Variants in OTUD7B observed in about 807,000 individuals in gnomAD.
The protein encoded by OTUD7B is OTU deubiquitinase 7B, also known as OTU domain-containing protein 7B.
In OTUD7B, 34 loss-of-function variants were observed where a neutral mutation model predicts 82.2. That is an observed-to-expected ratio of 0.41 (90% CI 0.31 to 0.55). The LOEUF (loss-of-function observed/expected upper bound fraction) is 0.55, where lower values mean the gene tolerates loss of function less well. Among genes scored for constraint, OTUD7B ranks in the 20% least tolerant of loss-of-function variants. The pLI, the probability that OTUD7B is intolerant of heterozygous loss-of-function variation, is 0.20. For missense variants in OTUD7B, 944 were observed against 1,062.1 expected (o/e 0.89, Z 1.55); for synonymous variants, 398 against 402.7 (o/e 0.99, Z 0.14).
At position 149,943,554 on chromosome 1, in the gene OTUD7B, C is replaced by A; in HGVS notation, c.*303G>T. 1 of 284,608 alleles carries A rather than the reference C, an allele frequency of 3.5e-6. No homozygotes were observed. The highest frequency in any genetic ancestry group is 6.6e-6 in the Non-Finnish European group (1 of 150,726). 17.6% of individuals were successfully genotyped at this position (284,608 alleles called of 1,614,324 possible). A position where few individuals can be genotyped will look rare whatever the true frequency, so the allele number is the denominator to read the frequency against. On this transcript the variant is annotated 3_prime_UTR_variant, in exon 12 of 12. Transcript: ENST00000581312. ...ACCAAACCTTCCCCTGCTACTTTCT[C>A]TTAGGTCCCTGGATGGGACCCAGGA...
At chr1:150,011,082 A>G (rs1391784715), upstream of OTUD7B, among the ~76,000 whole-genome samples, 3 of 152,154 alleles carry the variant, frequency 2.0e-5, no homozygotes, top group African/African-American at 7.2e-5. Flanking sequence ...CAGAATGAAA[A>G]GACTGACATT....
the OTUD7B span, among the ~76,000 whole-genome samples, chr1:150,053,179 T>C: frequency 6.6e-6 from 1 of 151,966 alleles, no homozygotes; most frequent in Non-Finnish European, 1.5e-5. Flanking sequence ...AATTGACAAA[T>C]GGGATCTAAT....
chr1:150,059,427 T>C, the OTUD7B span, among the ~76,000 whole-genome samples: 1 of 149,876 alleles, frequency 6.7e-6, no homozygotes, highest in African/African-American at 2.5e-5. Flanking sequence ...TGGAGTGCAA[T>C]GGCGCAATCT....
At chr1:149,988,646 T>C (rs1306118320) in intron 1 of OTUD7B, among the ~76,000 whole-genome samples, 4 of 152,200 alleles carry the variant, frequency 2.6e-5, no homozygotes, top group Non-Finnish European at 5.9e-5. Context: ...TATTATAATA[T>C]TGGCACAACA....
At chr1:149,988,467 C>G (rs1651345231) in intron 1 of OTUD7B, among the ~76,000 whole-genome samples, 1 of 152,102 alleles carries the variant, frequency 6.6e-6, no homozygotes, top group South Asian at 2.1e-4. Flanking sequence ...ATATAAAGAT[C>G]AGGGACTAGT....
At chr1:150,055,642 C>T in the OTUD7B span, among the ~76,000 whole-genome samples, 1 of 152,226 alleles carries the variant, frequency 6.6e-6, no homozygotes, top group South Asian at 2.1e-4. Context: ...AAACTAAATG[C>T]CCATCAATGA....
In OTUD7B at chr1:149,971,094, G is replaced by A; in HGVS notation, c.243C>T (p.Pro81=). ...SDREPTRPPR[P]ILQRQDDIVQ... ...CGATGTCATCCTGCCGCTGGAGGAT[G>A]GGTCGGGGAGGGCGAGTAGGCTCTC... Residue 81 remains proline, a synonymous_variant, in exon 3 of 12, where the codon CCC becomes CCT. Coordinates refer to ENST00000581312, the MANE Select transcript of OTUD7B (RefSeq NM_020205.4). The A allele has an allele frequency of 6.2e-7, 1 of 1,610,538 alleles. No individual in the cohort carries two copies. Among genetic ancestry groups the A allele is most frequent in the Non-Finnish European group, 8.5e-7 (1 of 1,177,260 alleles).
chr1:150,006,428 G>T (rs1652676867), intron 1 of OTUD7B, among the ~76,000 whole-genome samples: 1 of 152,210 alleles, frequency 6.6e-6, no homozygotes, highest in Non-Finnish European at 1.5e-5. Flanking sequence ...CTGTACTTCA[G>T]TCTGGGAGCA....
rs1356483429 is a variant in OTUD7B, at chr1:149,939,102, G to A, written c.*4755C>T. Reference sequence around the variant, plus strand: ...GAAGCACTAGATGAAGGGAAGGGTGGAGAGGCAAGGGGCTATATCAGATTT... The same window carrying A: ...GAAGCACTAGATGAAGGGAAGGGTGAAGAGGCAAGGGGCTATATCAGATTT... On this transcript the variant is annotated 3_prime_UTR_variant, in exon 12 of 12. Coordinates refer to ENST00000581312, the MANE Select transcript of OTUD7B (RefSeq NM_020205.4). 6.6e-6 allele frequency: 1 copy of A among 152,256 alleles called. No homozygotes were observed. The highest frequency in any genetic ancestry group is 1.5e-5 in the Non-Finnish European group (1 of 68,164). 9.4% of individuals were successfully genotyped at this position (152,256 alleles called of 1,614,324 possible).
At chr1:150,059,054 T>C in the OTUD7B span, among the ~76,000 whole-genome samples, 1 of 126,924 alleles carries the variant, frequency 7.9e-6, no homozygotes, top group East Asian at 2.1e-4. Flanking sequence ...CTTTCTTTTC[T>C]TTTTTTTTTT....
At chr1:150,051,977 TCA>T in the OTUD7B span, among the ~76,000 whole-genome samples, 2 of 152,182 alleles carry the variant, frequency 1.3e-5, no homozygotes, top group African/African-American at 4.8e-5. Context: ...TATGCTCTCT[TCA>T]TGTTAAAAAC....
At chr1:149,953,359 GA>G (rs1358399267) in intron 7 of OTUD7B, among the ~76,000 whole-genome samples, 10 of 152,166 alleles carry the variant, frequency 6.6e-5, no homozygotes, top group African/African-American at 2.4e-4. Context: ...GATTGTTGTA[GA>G]TGTGTGGTAT....
chr1:149,959,303 C>A (rs919596645), intron 7 of OTUD7B, among the ~76,000 whole-genome samples: 1 of 152,088 alleles, frequency 6.6e-6, no homozygotes, highest in African/African-American at 2.4e-5. Flanking sequence ...TGGGCTCACA[C>A]GATCCTCCTG....
Position 149,967,370 on chromosome 1 carries a change from T to C in OTUD7B, c.426A>G (p.Val142=), listed in dbSNP as rs1553776821. 1 of 1,614,146 alleles carries C rather than the reference T, an allele frequency of 6.2e-7. No individual in the cohort carries two copies. The highest frequency in any genetic ancestry group is 8.5e-7 in the Non-Finnish European group (1 of 1,180,028). ...TGAAGCTGCGGAAGTCTTCATTGTA[T>C]ACAGTGAGATCTGGAAGCTGGAAGG... The part of the protein sequence containing the change: ...ICAFQLPDLT[V]YNEDFRSFIE... Residue 142 remains valine (V), a synonymous_variant, in exon 4 of 12, where the codon GTA becomes GTG. Coordinates refer to ENST00000581312, the MANE Select transcript of OTUD7B (RefSeq NM_020205.4).
chr1:149,967,475 A>G lies in OTUD7B; in HGVS notation c.321T>C (p.Val107=). 1 of 1,613,558 alleles carries G rather than the reference A, an allele frequency of 6.2e-7. No individual in the cohort carries two copies. The highest frequency in any genetic ancestry group is 8.5e-7 in the Non-Finnish European group (1 of 1,179,694). ...RGISHASSSI[V]SLARSHVSSN... Reference sequence around the variant, plus strand: ...AGGAGACATGGGACCGGGCCAGGGAAACAATGCTGGAGCTGGCGTGGGAGA... The same window carrying G: ...AGGAGACATGGGACCGGGCCAGGGAGACAATGCTGGAGCTGGCGTGGGAGA... The change falls in exon 4 of 12, where the codon GTT becomes GTC. Residue 107 remains valine, a synonymous_variant. Transcript: ENST00000581312.
chr1:150,044,176 T>A, the OTUD7B span, among the ~76,000 whole-genome samples: 2 of 145,976 alleles, frequency 1.4e-5, no homozygotes, highest in Non-Finnish European at 3.0e-5. Context: ...CCAATTATAT[T>A]TTTTTCAAAT....
the OTUD7B span, among the ~76,000 whole-genome samples, chr1:150,051,185 C>T: frequency 2.0e-5 from 3 of 148,450 alleles, no homozygotes; most frequent in African/African-American, 5.0e-5. Context: ...ACCGAGATTG[C>T]GCCATTGCAC....
chr1:150,052,810 C>T, the OTUD7B span, among the ~76,000 whole-genome samples: 8 of 79,522 alleles, frequency 1.0e-4, no homozygotes, highest in African/African-American at 3.3e-4. Flanking sequence ...AACAAACAAA[C>T]GAAAACAAAA....
chr1:149,941,180 G>C lies in OTUD7B; in HGVS notation c.*2677C>G, dbSNP rs1553770335. On this transcript the variant is annotated 3_prime_UTR_variant, in exon 12 of 12. Coordinates refer to ENST00000581312, the MANE Select transcript of OTUD7B (RefSeq NM_020205.4). ...TAAATAAAAACAAACATGATACAAG[G>C]TTTTTTGTTCATTTGTCCTTAGTTT... 1 of 152,068 alleles carries C rather than the reference G, an allele frequency of 6.6e-6. No individual in the cohort carries two copies. Among genetic ancestry groups the C allele is most frequent in the Non-Finnish European group, 1.5e-5 (1 of 68,026 alleles). 9.4% of individuals were successfully genotyped at this position (152,068 alleles called of 1,614,324 possible).
Sources: allele counts gnomAD v4.1 joint callset (sites outside exome capture counted in the v4.1 genomes callset), GRCh38; gene constraint gnomAD v4.1.1; transcripts MANE v1.5; gene names NCBI Gene and HGNC (gene_info 2026-07-23, HGNC 2026-07-21).